Variants in ALKBH8 observed in about 807,000 individuals in gnomAD.
ALKBH8 encodes the protein alkB homolog 8, tRNA methyltransferase, also known as tRNA (carboxymethyluridine(34)-5-O)-methyltransferase ALKBH8.
Under a neutral mutation model 59.8 loss-of-function variants are expected in ALKBH8, and 36 were observed. The ratio of observed to expected loss-of-function variants is 0.60; its 90% CI spans 0.46 to 0.79. The LOEUF is 0.79. Among genes scored for constraint, ALKBH8 ranks in the 30% least tolerant of loss-of-function variants. The pLI is 0.00. For missense variants in ALKBH8, 768 were observed against 801.0 expected (o/e 0.96, Z 0.50); for synonymous variants, 276 against 273.6 (o/e 1.01, Z -0.09).
At position 107,522,527 on chromosome 11, in the gene ALKBH8, C is replaced by T. The variant is rs1863161658; in HGVS notation, c.1059G>A (p.Arg353=). ...CSYPLVCDSQ[R]KETPPSFPES... Reference sequence around the variant, plus strand: ...CTGGAAATGAGGGGGGAGTCTCTTTCCTCTGGCTATCACAGACCAACGGGT... The same window carrying T: ...CTGGAAATGAGGGGGGAGTCTCTTTTCTCTGGCTATCACAGACCAACGGGT... The change falls in exon 10 of 12, where the codon AGG becomes AGA. Residue 353 remains arginine, a synonymous_variant. Coordinates refer to ENST00000428149, the MANE Select transcript of ALKBH8 (RefSeq NM_138775.3). The T allele has an allele frequency of 6.4e-7, 1 of 1,551,568 alleles. No individual in the cohort carries two copies. Among genetic ancestry groups the T allele is most frequent in the South Asian group, 1.2e-5 (1 of 84,048 alleles).
At chr11:107,535,568 T>C (rs570380417) in intron 7 of ALKBH8, among the ~76,000 whole-genome samples, 1 of 152,306 alleles carries the variant, frequency 6.6e-6, no homozygotes, top group East Asian at 1.9e-4. Context: ...TTAAGAATTG[T>C]CTATTCATGT....
chr11:107,524,722 T>C (rs990053539), intron 9 of ALKBH8, among the ~76,000 whole-genome samples: 3 of 152,152 alleles, frequency 2.0e-5, no homozygotes, highest in Non-Finnish European at 4.4e-5. Context: ...TTTGTAGATA[T>C]AGTAAGAGTT....
intron 7 of ALKBH8, among the ~76,000 whole-genome samples, chr11:107,547,576 T>C (rs1023270493): frequency 2.6e-5 from 4 of 152,236 alleles, no homozygotes; most frequent in Non-Finnish European, 5.9e-5. Flanking sequence ...AATCTCATTT[T>C]ATAGATGAAA....
intron 9 of ALKBH8, 57 bp downstream of exon 9, chr11:107,525,384 A>G: frequency 6.8e-7 from 1 of 1,461,584 alleles, no homozygotes; most frequent in Non-Finnish European, 9.1e-7. Context: ...AGGACCTTAA[A>G]GGACTTTTAT....
intron 3 of ALKBH8, among the ~76,000 whole-genome samples, chr11:107,556,169 T>C (rs1864699630): frequency 6.6e-6 from 1 of 152,076 alleles, no homozygotes; most frequent in Non-Finnish European, 1.5e-5. Flanking sequence ...TCCCAGCTAC[T>C]TAGGAGGCTG....
At chr11:107,560,739 T>C in intron 2 of ALKBH8, 26 bp downstream of exon 2, 1 of 1,577,722 alleles carries the variant, frequency 6.3e-7, no homozygotes, top group South Asian at 1.2e-5. Context: ...ATTTACATTC[T>C]AATAATAATA....
chr11:107,542,437 A>G (rs1477597362), intron 7 of ALKBH8, among the ~76,000 whole-genome samples: 1 of 152,186 alleles, frequency 6.6e-6, no homozygotes, highest in Admixed American at 6.5e-5. Flanking sequence ...GCTTGTGGGA[A>G]TGATGGATAT....
In ALKBH8 at chr11:107,563,091, T is replaced by C. The variant is rs145471756; in HGVS notation, c.-6-2192A>G. 2.6e-5 allele frequency among the ~76,000 whole-genome samples: 4 copies of C among 152,204 alleles called. No homozygotes were observed. In the East Asian group the frequency reaches 7.7e-4, roughly 29 times the overall value. On this transcript the variant is annotated intron_variant, in intron 1 of 11. Transcript: ENST00000428149. ...GAATAATGTTTAAGGTATTGTGAGATACAGAGTTGCAATGTCTGGCTGGCA... is the reference window on the plus strand; with the variant it reads ...GAATAATGTTTAAGGTATTGTGAGACACAGAGTTGCAATGTCTGGCTGGCA...
At chr11:107,561,049 T>C in intron 1 of ALKBH8, 150 bp from the exon 2 acceptor site, 1 of 629,412 alleles carries the variant, frequency 1.6e-6, no homozygotes, top group South Asian at 2.5e-5. Flanking sequence ...CTAAGAGAAG[T>C]GAGAACAGAT....
chr11:107,513,943 T>A (rs1591252457), intron 10 of ALKBH8, among the ~76,000 whole-genome samples: 1 of 152,306 alleles, frequency 6.6e-6, no homozygotes, highest in East Asian at 1.9e-4. Context: ...TATCAGGTAC[T>A]ATGCTGACTA....
intron 7 of ALKBH8, among the ~76,000 whole-genome samples, chr11:107,545,466 TC>T (rs571557398): frequency 1.3e-5 from 2 of 152,182 alleles, no homozygotes; most frequent in Non-Finnish European, 2.9e-5. Flanking sequence ...CAGGCAGGAC[TC>T]AACAGGTATT....
At chr11:107,563,999 C>T (rs568156157) in intron 1 of ALKBH8, among the ~76,000 whole-genome samples, 1 of 152,152 alleles carries the variant, frequency 6.6e-6, no homozygotes, top group Non-Finnish European at 1.5e-5. Flanking sequence ...TAGGCTGATA[C>T]CAGCTGCTGA....
chr11:107,504,982 G>C lies in ALKBH8; in HGVS notation c.1671C>G (p.Val557=), dbSNP rs1031492235. 1 of 1,551,598 alleles carries C rather than the reference G, an allele frequency of 6.4e-7. No individual in the cohort carries two copies. Among genetic ancestry groups the C allele is most frequent in the Non-Finnish European group, 8.7e-7 (1 of 1,146,826 alleles). ...DMGSRDSASS[V]PRINDSQEGG... ...CTTCCTGAGAGTCATTAATGCGGGG[G>C]ACAGAAGATGCCGAGTCTCGACTGC... The change falls in exon 12 of 12, where the codon GTC becomes GTG. Residue 557 remains valine, a synonymous_variant. Coordinates refer to ENST00000428149, the MANE Select transcript of ALKBH8 (RefSeq NM_138775.3).
chr11:107,522,595 A>G (rs1194257913), intron 9 of ALKBH8, 40 bp from the exon 10 acceptor site: 1 of 1,522,158 alleles, frequency 6.6e-7, no homozygotes, highest in Admixed American at 2.2e-5. Flanking sequence ...TTTTTATCAG[A>G]ATAACTCATA....
chr11:107,565,424 C>A, intron 1 of ALKBH8, 177 bp downstream of exon 1: 1 of 778,448 alleles, frequency 1.3e-6, no homozygotes, highest in Non-Finnish European at 2.0e-6. Context: ...ACTGAGAGAA[C>A]CACCCAACGC....
chr11:107,505,986 G>A (rs1334287709), intron 11 of ALKBH8, among the ~76,000 whole-genome samples: 1 of 152,208 alleles, frequency 6.6e-6, no homozygotes, highest in Non-Finnish European at 1.5e-5. Context: ...GCATTTGCCA[G>A]TTTCTAAGCA....
At chr11:107,553,007 A>T (rs1001349215) in intron 5 of ALKBH8, 101 bp downstream of exon 5, 5 of 704,178 alleles carry the variant, frequency 7.1e-6, no homozygotes, top group African/African-American at 3.7e-5. Context: ...CAGAAAGTTT[A>T]TCTACAAATG....
intron 10 of ALKBH8, among the ~76,000 whole-genome samples, chr11:107,516,992 C>A (rs1230133477): frequency 6.6e-6 from 1 of 152,126 alleles, no homozygotes; most frequent in Admixed American, 6.6e-5. Flanking sequence ...CCACTGCACT[C>A]CAGCCTGGGC....
chr11:107,538,609 C>T (rs1006891366), intron 7 of ALKBH8, among the ~76,000 whole-genome samples: 2 of 152,192 alleles, frequency 1.3e-5, no homozygotes, highest in African/African-American at 4.8e-5. Flanking sequence ...CTTAGACATT[C>T]TCATCTTATA....
Sources: allele counts gnomAD v4.1 joint callset (sites outside exome capture counted in the v4.1 genomes callset), GRCh38; gene constraint gnomAD v4.1.1; transcripts MANE v1.5; gene names NCBI Gene and HGNC (gene_info 2026-07-23, HGNC 2026-07-21).